GALNT11: variants seen among roughly 807,000 people sequenced by gnomAD.
GALNT11 encodes UDP-GalNAc:polypeptide N-acetylgalactosaminyltransferase 11.
A neutral mutation model predicts 72.7 loss-of-function variants in GALNT11; 47 were observed. The ratio of observed to expected loss-of-function variants is 0.65; its 90% CI spans 0.51 to 0.82. GALNT11 has a LOEUF of 0.82. GALNT11 is among the 40% of genes least tolerant of loss of function. The probability of loss-of-function intolerance (pLI) is 0.00; values close to 1 mark genes in which losing one functional copy is unlikely to be tolerated. For missense variants in GALNT11, 677 were observed against 778.4 expected (o/e 0.87, Z 1.55); for synonymous variants, 270 against 286.6 (o/e 0.94, Z 0.58).
At chr7:152,043,349 C>T (rs2082959820) in intron 1 of GALNT11, among the ~76,000 whole-genome samples, 1 of 152,226 alleles carries the variant, frequency 6.6e-6, no homozygotes, top group Admixed American at 6.5e-5. Context: ...AGGCTCACAG[C>T]TTTTGTGCAG....
At chr7:152,065,506 G>A (rs1194800535) in intron 1 of GALNT11, among the ~76,000 whole-genome samples, 1 of 152,212 alleles carries the variant, frequency 6.6e-6, no homozygotes, top group South Asian at 2.1e-4. Context: ...TCCTTTGGAA[G>A]GGGAGAGGCA....
intron 8 of GALNT11, among the ~76,000 whole-genome samples, chr7:152,115,426 A>G (rs1052777112): frequency 3.3e-5 from 5 of 152,216 alleles, no homozygotes; most frequent in East Asian, 1.9e-4. Context: ...GTAAATCTCA[A>G]TGTGCCTTTT....
intron 1 of GALNT11, among the ~76,000 whole-genome samples, chr7:152,026,489 G>C (rs2082020801): frequency 6.6e-6 from 1 of 152,216 alleles, no homozygotes; most frequent in South Asian, 2.1e-4. Flanking sequence ...GTGTGGAATT[G>C]CACCCTGGCA....
At chr7:152,118,404 T>C (rs2089092663) in intron 9 of GALNT11, 2 of 359,424 alleles carry the variant, frequency 5.6e-6, no homozygotes, top group East Asian at 1.4e-4. Context: ...TCATCTGCTG[T>C]AGATTAGTAA....
intron 2 of GALNT11, among the ~76,000 whole-genome samples, chr7:152,100,108 C>T (rs2086741725): frequency 2.0e-5 from 3 of 151,652 alleles, no homozygotes; most frequent in Admixed American, 2.0e-4. Flanking sequence ...AAAAGCTTAT[C>T]AGTCGCCTTT....
intron 1 of GALNT11, among the ~76,000 whole-genome samples, chr7:152,058,440 A>G (rs1587062272): frequency 6.6e-6 from 1 of 151,408 alleles, no homozygotes; most frequent in Non-Finnish European, 1.5e-5. Context: ...TTCAAGCGAT[A>G]CTCCTGCCTC....
intron 7 of GALNT11, among the ~76,000 whole-genome samples, chr7:152,111,082 A>G (rs567604247): frequency 1.3e-4 from 20 of 152,164 alleles, no homozygotes; most frequent in South Asian, 2.1e-4. Context: ...TGTCAAGAGT[A>G]TACATGTTGA....
At chr7:152,058,802 TAATCTGC>T (rs1184859009) in intron 1 of GALNT11, among the ~76,000 whole-genome samples, 1 of 152,234 alleles carries the variant, frequency 6.6e-6, no homozygotes, top group Admixed American at 6.5e-5. Flanking sequence ...CTAAATTTAG[TAATCTGC>T]TTTTTGTTAT....
chr7:152,103,315 C>A (rs372788670), intron 4 of GALNT11, 37 bp downstream of exon 4: 29 of 1,592,236 alleles, frequency 1.8e-5, no homozygotes, highest in Non-Finnish European at 2.3e-5. Flanking sequence ...TGGATCCAGG[C>A]TGTCAGTCAC....
chr7:152,099,530 GTTTTTTTTTTTTTT>G (rs1009548038), intron 2 of GALNT11, among the ~76,000 whole-genome samples: 14 of 57,784 alleles, frequency 2.4e-4, no homozygotes, highest in African/African-American at 9.7e-4. Flanking sequence ...CTCCCGCCTA[GTTTTTTTTTTTTTT>G]TTTTTTTTTT....
rs1018022479 is a variant in GALNT11, at chr7:152,119,345, G to A, written c.1557+563G>A. The A allele has an allele frequency of 2.6e-5, 4 of 151,626 alleles. No homozygotes were observed. The East Asian group carries it at 7.8e-4, about 30-fold the overall frequency. 9.4% of individuals were successfully genotyped at this position (151,626 alleles called of 1,614,324 possible). ...AGTTTAGAACGGTAATTTCAAACTCGTTTATGTCTGATAAAATAGCATAAT... is the reference window on the plus strand; with the variant it reads ...AGTTTAGAACGGTAATTTCAAACTCATTTATGTCTGATAAAATAGCATAAT... On this transcript the variant is annotated intron_variant, in intron 10 of 11. Transcript: ENST00000430044.
At chr7:152,043,190 C>G (rs2082950302) in intron 1 of GALNT11, among the ~76,000 whole-genome samples, 1 of 152,186 alleles carries the variant, frequency 6.6e-6, no homozygotes, top group South Asian at 2.1e-4. Context: ...ATTTGAATTT[C>G]CCCATTGTAA....
intron 1 of GALNT11, among the ~76,000 whole-genome samples, chr7:152,053,297 G>A (rs1271833923): frequency 2.6e-5 from 4 of 152,094 alleles, no homozygotes; most frequent in East Asian, 1.9e-4. Flanking sequence ...ATCCTGCTCC[G>A]TGATCCATCT....
chr7:152,094,528 T>C lies in GALNT11; in HGVS notation c.295+6T>C. The C allele has an allele frequency of 6.3e-7, 1 of 1,590,754 alleles. No homozygotes were observed. The highest frequency in any genetic ancestry group is 1.8e-5 in the Admixed American group (1 of 57,026). On this transcript the variant is annotated splice_donor_region_variant and intron_variant, in intron 2 of 11. Coordinates refer to ENST00000430044, the MANE Select transcript of GALNT11 (RefSeq NM_022087.4). The surrounding 1 kb of genome is among the most constrained non-coding windows in gnomAD (Gnocchi z 4.3). ...GAAATTCTCTTCTGAATTAGGTAAG[T>C]ATATGATGTTTACCAGCATCCATAT... is the stretch of plus-strand genomic sequence containing the variant.
intron 1 of GALNT11, among the ~76,000 whole-genome samples, chr7:152,057,754 CCT>C (rs58668298): frequency 0.068 from 10,383 of 152,212 alleles, 643 homozygotes; most frequent in East Asian, 0.2. Flanking sequence ...TCCAATTTCC[CCT>C]GTTATTAACA....
intron 1 of GALNT11, 126 bp downstream of exon 1, chr7:152,026,010 C>A: frequency 6.5e-6 from 1 of 153,456 alleles, no homozygotes; most frequent in South Asian, 1.8e-4. Context: ...CCCCGCGGGT[C>A]CTGGGCTCCC....
chr7:152,082,421 C>T (rs1292693664), intron 1 of GALNT11, among the ~76,000 whole-genome samples: 1 of 152,140 alleles, frequency 6.6e-6, no homozygotes, highest in Non-Finnish European at 1.5e-5. Context: ...TCCCGATTGG[C>T]TAGCAACTTA....
intron 6 of GALNT11, 104 bp from the exon 7 acceptor site, chr7:152,110,424 T>C (rs2088056983): frequency 2.4e-6 from 2 of 823,964 alleles, no homozygotes; most frequent in Non-Finnish European, 4.1e-6. Flanking sequence ...ATTAATTCAA[T>C]TTTTATTAGT....
intron 1 of GALNT11, among the ~76,000 whole-genome samples, chr7:152,086,933 CT>C (rs1665755000): frequency 6.6e-6 from 1 of 152,142 alleles, no homozygotes; most frequent in African/African-American, 2.4e-5. Flanking sequence ...GTCATGACCT[CT>C]ATGCATAGTA....
Sources: allele counts gnomAD v4.1 joint callset (sites outside exome capture counted in the v4.1 genomes callset), GRCh38; gene constraint gnomAD v4.1.1; non-coding constraint Gnocchi (gnomAD v3.1); transcripts MANE v1.5; gene names NCBI Gene and HGNC (gene_info 2026-07-23, HGNC 2026-07-21).